The following PIBF1 variants were observed in gnomAD, a reference collection of about 807,000 sequenced individuals.
PIBF1 encodes progesterone-induced-blocking factor 1.
In PIBF1, 90 loss-of-function variants were observed where a neutral mutation model predicts 112.5. The ratio of observed to expected loss-of-function variants is 0.80; its 90% CI spans 0.67 to 0.95. PIBF1 has a LOEUF of 0.95. Ranked by LOEUF, PIBF1 falls within the 40% of genes least tolerant of loss-of-function variation. The pLI is 0.00. For missense variants in PIBF1, 915 were observed against 852.3 expected (o/e 1.07, Z -0.92); for synonymous variants, 301 against 288.6 (o/e 1.04, Z -0.44).
chr13:72,844,087 C>T (rs750830708), intron 9 of PIBF1, among the ~76,000 whole-genome samples: 1 of 152,190 alleles, frequency 6.6e-6, no homozygotes, highest in Non-Finnish European at 1.5e-5. Context: ...CAACACTTTA[C>T]ATACGTTGTA....
At chr13:72,920,794 ATC>A (rs1159983284) in intron 13 of PIBF1, among the ~76,000 whole-genome samples, 1 of 151,932 alleles carries the variant, frequency 6.6e-6, no homozygotes, top group Non-Finnish European at 1.5e-5. Flanking sequence ...AGAGACTCCC[ATC>A]TCTCAAAAAA....
chr13:72,917,064 A>G lies in PIBF1; in HGVS notation c.1640-12A>G. On this transcript the variant is annotated splice_polypyrimidine_tract_variant and intron_variant, in intron 12 of 17. Transcript: ENST00000326291. ...AAAGTTATTTCACATTATACACTTT[A>G]ATATTTTCCAGTTGAAAATGAAGAT... The G allele has an allele frequency of 1.3e-6, 2 of 1,520,322 alleles. No homozygotes were observed. The highest frequency in any genetic ancestry group is 9.0e-7 in the Non-Finnish European group (1 of 1,112,044). The allele number at this position is 1,520,322 out of a possible 1,614,324, so 94.2% of individuals were successfully genotyped here. A position where few individuals can be genotyped will look rare whatever the true frequency, so the allele number is the denominator to read the frequency against.
At chr13:72,877,832 C>G (rs1002071348) in intron 10 of PIBF1, among the ~76,000 whole-genome samples, 1 of 151,672 alleles carries the variant, frequency 6.6e-6, no homozygotes, top group Non-Finnish European at 1.5e-5. Context: ...TCACCTCAAC[C>G]TCCGCCTCTC....
intron 17 of PIBF1, among the ~76,000 whole-genome samples, chr13:73,010,642 C>T (rs1222449441): frequency 1.3e-5 from 2 of 151,726 alleles, no homozygotes; most frequent in Non-Finnish European, 2.9e-5. Context: ...CATACATGTT[C>T]TTCTATGACC....
intron 13 of PIBF1, among the ~76,000 whole-genome samples, chr13:72,927,444 C>G (rs556797954): frequency 5.3e-5 from 8 of 152,146 alleles, no homozygotes; most frequent in Middle Eastern, 3.4e-3. Flanking sequence ...GCGGAACTTG[C>G]AGTGAGCCGA....
intron 16 of PIBF1, among the ~76,000 whole-genome samples, chr13:72,989,649 T>A (rs2043408411): frequency 6.6e-6 from 1 of 152,196 alleles, no homozygotes; most frequent in Non-Finnish European, 1.5e-5. Context: ...TTGGTTTGTT[T>A]TTGTTTTTTG....
intron 15 of PIBF1, among the ~76,000 whole-genome samples, chr13:72,968,773 A>G (rs946764899): frequency 2.6e-5 from 4 of 152,080 alleles, no homozygotes; most frequent in Admixed American, 1.3e-4. Flanking sequence ...CAGTTTCCTC[A>G]TATGTGAAAT....
At chr13:72,837,756 AG>A (rs1242775408) in intron 9 of PIBF1, among the ~76,000 whole-genome samples, 1 of 152,156 alleles carries the variant, frequency 6.6e-6, no homozygotes, top group African/African-American at 2.4e-5. Flanking sequence ...ATATTATATT[AG>A]TATCATATAA....
intron 9 of PIBF1, among the ~76,000 whole-genome samples, chr13:72,850,408 C>A (rs1228326640): frequency 1.3e-5 from 2 of 152,198 alleles, no homozygotes; most frequent in Non-Finnish European, 2.9e-5. Context: ...TTTGTTTATG[C>A]CTTAACATAG....
At chr13:72,957,843 G>A (rs1031674194) in intron 14 of PIBF1, among the ~76,000 whole-genome samples, 9 of 151,952 alleles carry the variant, frequency 5.9e-5, no homozygotes, top group Non-Finnish European at 1.0e-4. Context: ...CAACTACTTG[G>A]GAGGCTGAAG....
Position 72,965,383 on chromosome 13 carries a change from C to T in PIBF1, c.1943C>T (p.Ala648Val), listed in dbSNP as rs142849017. Residue 648 changes from alanine (A) to valine (V), a missense_variant, in exon 15 of 18, where the codon GCA (alanine) becomes GTA (valine). Coordinates refer to ENST00000326291, the MANE Select transcript of PIBF1 (RefSeq NM_006346.4). ...SKIDSLTESI[A>V]QLEKDVSNLN... ...ATTGATTCACTGACGGAATCTATTG[C>T]ACAACTTGAGAAAGATGTCAGGTAA... 5 of 1,609,076 alleles carry T rather than the reference C, an allele frequency of 3.1e-6. No homozygotes were observed. The African/African-American group carries it at 6.7e-5, about 22-fold the overall frequency.
chr13:72,842,611 G>A (rs931553129), intron 9 of PIBF1, among the ~76,000 whole-genome samples: 3 of 152,140 alleles, frequency 2.0e-5, no homozygotes, highest in Admixed American at 2.0e-4. Flanking sequence ...TATATGTATT[G>A]TATTACAATG....
intron 11 of PIBF1, among the ~76,000 whole-genome samples, chr13:72,894,772 A>ATAGTGTGTGTGTGTGT (rs1491462402): frequency 8.7e-4 from 119 of 137,198 alleles, no homozygotes; most frequent in African/African-American, 3.4e-3. Context: ...ATATATATAT[A>ATAGTGTGTGTGTGTGT]GTGTGTGTGT....
At chr13:72,900,638 A>G (rs921005540) in intron 11 of PIBF1, among the ~76,000 whole-genome samples, 1 of 152,206 alleles carries the variant, frequency 6.6e-6, no homozygotes, top group Non-Finnish European at 1.5e-5. Flanking sequence ...ACCCAAAACT[A>G]TAAAAATTCT....
chr13:72,972,045 T>C (rs1032212790), intron 15 of PIBF1, among the ~76,000 whole-genome samples: 1 of 150,950 alleles, frequency 6.6e-6, no homozygotes, highest in African/African-American at 2.4e-5. Flanking sequence ...TATTTATTTA[T>C]TTATTTTTTG....
intron 12 of PIBF1, among the ~76,000 whole-genome samples, chr13:72,910,887 C>A (rs1282227725): frequency 2.0e-5 from 3 of 152,070 alleles, no homozygotes; most frequent in Non-Finnish European, 2.9e-5. Flanking sequence ...AATTAAAGAA[C>A]CACTCCCCCC....
At chr13:72,859,622 C>A (rs1347449516) in intron 10 of PIBF1, among the ~76,000 whole-genome samples, 1 of 152,036 alleles carries the variant, frequency 6.6e-6, no homozygotes, top group African/African-American at 2.4e-5. Flanking sequence ...AAGTAATTAA[C>A]TGAATGAATT....
intron 14 of PIBF1, among the ~76,000 whole-genome samples, chr13:72,949,821 A>G (rs2042251327): frequency 6.6e-6 from 1 of 152,140 alleles, no homozygotes. Context: ...TTTGCAACCT[A>G]TGTGTGAAAA....
At chr13:72,799,829 A>G (rs2035385250) in intron 5 of PIBF1, among the ~76,000 whole-genome samples, 1 of 151,968 alleles carries the variant, frequency 6.6e-6, no homozygotes, top group Non-Finnish European at 1.5e-5. Flanking sequence ...GGAGCTCCCT[A>G]TCCTTGTTTT....
Sources: gnomAD v4.1 joint callset for allele counts (sites outside exome capture counted in the v4.1 genomes callset) on GRCh38, gnomAD v4.1.1 for gene constraint, MANE v1.5 for transcripts, NCBI Gene and HGNC (gene_info 2026-07-23, HGNC 2026-07-21) for gene names.